Variants in CSN1S1 observed in about 807,000 individuals in gnomAD.
The protein encoded by CSN1S1 is casein alpha s1.
Under a neutral mutation model 49.1 loss-of-function variants are expected in CSN1S1, and 63 were observed. That is an observed-to-expected ratio of 1.28 (90% CI 1.05 to 1.58). The LOEUF (loss-of-function observed/expected upper bound fraction) is 1.58. CSN1S1 is among the 40% of genes most tolerant of loss of function. CSN1S1 has a pLI of 0.00. For synonymous variants in CSN1S1, 78 were observed against 67.1 expected, an observed-to-expected ratio of 1.16 and a Z score of -0.79; for missense variants, 260 against 224.7, an observed-to-expected ratio of 1.16 and a Z score of -1.01.
At chr4:69,931,962 C>T (rs533237231) in intron 1 of CSN1S1, among the ~76,000 whole-genome samples, 10 of 151,880 alleles carry the variant, frequency 6.6e-5, no homozygotes, top group African/African-American at 1.9e-4. Flanking sequence ...TAGCAAAACA[C>T]GAAGTTATGG....
chr4:69,932,506 A>G (rs1448609634), intron 1 of CSN1S1, 38 bp from the exon 2 acceptor site: 4 of 1,525,516 alleles, frequency 2.6e-6, no homozygotes, highest in African/African-American at 2.8e-5. Context: ...ATTTAACGTA[A>G]TAATATCTAA....
intron 13 of CSN1S1, among the ~76,000 whole-genome samples, chr4:69,942,295 G>C (rs560469188): frequency 1.3e-5 from 2 of 152,026 alleles, no homozygotes; most frequent in Non-Finnish European, 2.9e-5. Flanking sequence ...TTTTTCCTCA[G>C]AGTATGAACC....
At chr4:69,932,681 A>G (rs1242356006) in intron 2 of CSN1S1, 75 bp downstream of exon 2, 12 of 1,293,708 alleles carry the variant, frequency 9.3e-6, no homozygotes, top group African/African-American at 1.5e-5. Context: ...AACATAGGAT[A>G]CCCAGAGAAA....
chr4:69,942,910 G>A (rs554799855), intron 14 of CSN1S1, among the ~76,000 whole-genome samples: 22 of 149,788 alleles, frequency 1.5e-4, no homozygotes, highest in Non-Finnish European at 2.7e-4. Flanking sequence ...AGTGTCTCTT[G>A]TCCATTAATG....
chr4:69,942,164 G>A, intron 13 of CSN1S1, 101 bp downstream of exon 13: 1 of 728,946 alleles, frequency 1.4e-6, no homozygotes, highest in Non-Finnish European at 2.1e-6. Flanking sequence ...TTCTGAGAGA[G>A]TGTTCTACCA....
intron 7 of CSN1S1, 65 bp downstream of exon 7, chr4:69,936,672 T>G: frequency 6.9e-7 from 1 of 1,456,498 alleles, no homozygotes; most frequent in Non-Finnish European, 9.2e-7. Flanking sequence ...AAAAAAGTTT[T>G]CCTTTAGGAA....
At chr4:69,936,408 A>T (rs756168249) in intron 5 of CSN1S1, 48 bp from the exon 6 acceptor site, 2 of 1,363,310 alleles carry the variant, frequency 1.5e-6, no homozygotes, top group Non-Finnish European at 2.1e-6. Context: ...CCACTCATGT[A>T]TGTCTTGTTT....
intron 7 of CSN1S1, 134 bp downstream of exon 7, chr4:69,936,741 A>G: frequency 1.3e-6 from 1 of 747,228 alleles, no homozygotes; most frequent in Middle Eastern, 3.8e-4. Flanking sequence ...ATACATTTGT[A>G]GTGACTAATG....
chr4:69,937,224 T>C, intron 8 of CSN1S1, 80 bp downstream of exon 8: 1 of 1,070,194 alleles, frequency 9.3e-7, no homozygotes, highest in Non-Finnish European at 1.3e-6. Flanking sequence ...AATTATTATT[T>C]TAAATAAAAA....
intron 10 of CSN1S1, 91 bp from the exon 11 acceptor site, chr4:69,939,930 T>C: frequency 1.3e-6 from 1 of 747,156 alleles, no homozygotes; most frequent in Non-Finnish European, 2.2e-6. Flanking sequence ...ACTGCAATTA[T>C]TTAGTAATAG....
Position 69,946,195 on chromosome 4 carries a change from G to T in CSN1S1, c.*-1G>T. The stretch of plus-strand genomic sequence containing the variant: ...CCACATATTTCTATTTCTATTTACA[G>T]ATATGATTGAAAATTTCATTCTCTG... On this transcript the variant is annotated splice_acceptor_variant, in intron 15 of 15. Coordinates refer to ENST00000246891, the MANE Select transcript of CSN1S1 (RefSeq NM_001890.2). LOFTEE classifies it high-confidence loss of function. The T allele has an allele frequency of 3.6e-6, 2 of 548,328 alleles. No individual in the cohort carries two copies. Among genetic ancestry groups the T allele is most frequent in the Non-Finnish European group, 3.4e-6 (1 of 295,510 alleles). 34.0% of individuals were successfully genotyped at this position (548,328 alleles called of 1,614,324 possible).
intron 2 of CSN1S1, among the ~76,000 whole-genome samples, chr4:69,933,210 G>T (rs1722664593): frequency 6.6e-6 from 1 of 151,846 alleles, no homozygotes; most frequent in South Asian, 2.1e-4. Flanking sequence ...CTCAAAAAGA[G>T]TGTTTATATC....
chr4:69,932,416 A>G (rs567903919), intron 1 of CSN1S1, 128 bp from the exon 2 acceptor site: 2 of 674,912 alleles, frequency 3.0e-6, no homozygotes, highest in Non-Finnish European at 2.5e-6. Context: ...AAAAATTCAC[A>G]TTACAGCTCC....
rs577698876 is a variant in CSN1S1, at chr4:69,938,582, G to C, written c.244-594G>C. Among the ~76,000 whole-genome samples, 3 of 151,552 alleles carry C rather than the reference G, an allele frequency of 2.0e-5. No homozygotes were observed. In the South Asian group the frequency reaches 6.2e-4, roughly 32 times the overall value. Reference sequence around the variant, plus strand: ...TTAATCAACCATCCCCAGAGATAAAGTCTGTTGAATATTAAAATTAATCTG... The same window carrying C: ...TTAATCAACCATCCCCAGAGATAAACTCTGTTGAATATTAAAATTAATCTG... On this transcript the variant is annotated intron_variant, in intron 9 of 15. Coordinates refer to ENST00000246891, the MANE Select transcript of CSN1S1 (RefSeq NM_001890.2).
intron 12 of CSN1S1, among the ~76,000 whole-genome samples, chr4:69,941,263 A>G (rs1370637659): frequency 1.3e-5 from 2 of 151,754 alleles, no homozygotes; most frequent in African/African-American, 4.8e-5. Context: ...TTCCTGGACT[A>G]AAGTTCTATA....
intron 15 of CSN1S1, 47 bp downstream of exon 15, chr4:69,945,051 G>T (rs755164198): frequency 3.1e-6 from 5 of 1,590,820 alleles, no homozygotes; most frequent in Non-Finnish European, 4.3e-6. Flanking sequence ...CCAAAGGAAT[G>T]AAATAGAATA....
chr4:69,938,147 G>A (rs1311254810), intron 9 of CSN1S1, among the ~76,000 whole-genome samples: 1 of 151,704 alleles, frequency 6.6e-6, no homozygotes, highest in Non-Finnish European at 1.5e-5. Flanking sequence ...GTGCATGGAT[G>A]TTTAAAATGA....
At chr4:69,936,702 G>C in intron 7 of CSN1S1, 95 bp downstream of exon 7, 1 of 1,145,256 alleles carries the variant, frequency 8.7e-7, no homozygotes, top group Admixed American at 2.7e-5. Context: ...TTTTTCTATG[G>C]TTTTGTCCTT....
intron 8 of CSN1S1, among the ~76,000 whole-genome samples, chr4:69,937,502 T>G (rs1251188707): frequency 6.6e-6 from 1 of 150,794 alleles, no homozygotes; most frequent in African/African-American, 2.4e-5. Context: ...CTGCTCAGAG[T>G]CCAGAAGCCA....
Sources: gnomAD v4.1 joint callset for allele counts (sites outside exome capture counted in the v4.1 genomes callset) on GRCh38, gnomAD v4.1.1 for gene constraint, MANE v1.5 for transcripts, NCBI Gene and HGNC (gene_info 2026-07-23, HGNC 2026-07-21) for gene names.